Variants in TCEA1 observed in about 807,000 individuals in gnomAD.
TCEA1 encodes transcription elongation factor A1.
Under a neutral mutation model 43.8 loss-of-function variants are expected in TCEA1, and 21 were observed. The observed-to-expected ratio is 0.48, with a 90% confidence interval of 0.34 to 0.69. The LOEUF is 0.69. TCEA1 is among the 30% of genes least tolerant of loss of function. The pLI is 0.01. For synonymous variants in TCEA1, 104 were observed against 117.5 expected (o/e 0.88, Z 0.75); for missense variants, 250 against 365.1 (o/e 0.68, Z 2.57).
chr8:53,984,919 C>T (rs780064790), intron 6 of TCEA1, among the ~76,000 whole-genome samples: 3 of 151,768 alleles, frequency 2.0e-5, no homozygotes, highest in Non-Finnish European at 2.9e-5. Flanking sequence ...AAGCAATTCA[C>T]GACAACTGTT....
At chr8:54,017,420 G>A (rs1156870350) in intron 1 of TCEA1, among the ~76,000 whole-genome samples, 1 of 152,088 alleles carries the variant, frequency 6.6e-6, no homozygotes, top group Admixed American at 6.5e-5. Flanking sequence ...AGACCTTTAC[G>A]ACGACACATT....
chr8:54,008,835 ATT>A (rs1166084609), intron 2 of TCEA1, among the ~76,000 whole-genome samples: 1 of 150,256 alleles, frequency 6.7e-6, no homozygotes, highest in Admixed American at 6.6e-5. Flanking sequence ...CTATTATTTT[ATT>A]TTTATTTATT....
At chr8:53,986,432 G>T (rs1208193644) in intron 6 of TCEA1, among the ~76,000 whole-genome samples, 1 of 152,188 alleles carries the variant, frequency 6.6e-6, no homozygotes, top group Non-Finnish European at 1.5e-5. Flanking sequence ...AGCCTGTCCT[G>T]CCAAGTACAT....
chr8:53,993,604 G>A (rs768736507), intron 4 of TCEA1, 64 bp downstream of exon 4: 18 of 1,335,824 alleles, frequency 1.3e-5, no homozygotes, highest in Non-Finnish European at 1.9e-5. Flanking sequence ...ATTAGACAGG[G>A]GAATTGATGC....
chr8:54,003,938 TAAAA>T (rs879533018), intron 2 of TCEA1, among the ~76,000 whole-genome samples: 3 of 143,926 alleles, frequency 2.1e-5, no homozygotes, highest in Non-Finnish European at 4.6e-5. Context: ...ACAACTCGAT[TAAAA>T]AAAAAAAGAC....
intron 8 of TCEA1, chr8:53,973,162 C>CAAAG (rs113618110): frequency 0.074 from 40,468 of 543,226 alleles, 7,707 homozygotes; most frequent in African/African-American, 0.53. Context: ...GATGGGAAAA[C>CAAAG]AAAAGTCAGA....
intron 1 of TCEA1, among the ~76,000 whole-genome samples, chr8:54,016,846 C>T (rs570458416): frequency 2.0e-5 from 3 of 150,734 alleles, no homozygotes; most frequent in South Asian, 2.1e-4. Context: ...TGGTGGTGCG[C>T]GCCTATAGTC....
At chr8:54,017,330 T>C (rs1804863769) in intron 1 of TCEA1, among the ~76,000 whole-genome samples, 1 of 152,226 alleles carries the variant, frequency 6.6e-6, no homozygotes, top group Non-Finnish European at 1.5e-5. Context: ...GAGAATTTTC[T>C]TTCACCTCTG....
chr8:54,010,093 G>A, intron 2 of TCEA1: 1 of 227,360 alleles, frequency 4.4e-6, no homozygotes, highest in Non-Finnish European at 8.5e-6. Flanking sequence ...CCTGAAGCTA[G>A]CTTCATGCTG....
intron 1 of TCEA1, 49 bp from the exon 2 acceptor site, chr8:54,010,541 G>A: frequency 7.0e-7 from 1 of 1,436,666 alleles, no homozygotes; most frequent in African/African-American, 1.4e-5. Flanking sequence ...GGTAAAACAG[G>A]GACTAGCCAG....
chr8:54,008,854 T>C (rs1457050463), intron 2 of TCEA1, among the ~76,000 whole-genome samples: 3 of 137,422 alleles, frequency 2.2e-5, no homozygotes, highest in Admixed American at 2.2e-4. Context: ...TATTTATTTA[T>C]TTTTTTTTTT....
chr8:53,980,701 A>G, intron 7 of TCEA1, among the ~76,000 whole-genome samples: 1 of 152,140 alleles, frequency 6.6e-6, no homozygotes, highest in Admixed American at 6.5e-5. Flanking sequence ...TCCCTGAGAC[A>G]CAACAATATT....
chr8:54,009,302 T>C (rs1016309770), intron 2 of TCEA1, among the ~76,000 whole-genome samples: 1 of 152,204 alleles, frequency 6.6e-6, no homozygotes, highest in African/African-American at 2.4e-5. Flanking sequence ...AAGTACCATA[T>C]GATCCAGCAA....
At chr8:54,012,469 G>C (rs1241006724) in intron 1 of TCEA1, among the ~76,000 whole-genome samples, 1 of 152,132 alleles carries the variant, frequency 6.6e-6, no homozygotes, top group African/African-American at 2.4e-5. Flanking sequence ...CTGAGGCAGA[G>C]AGCTGCTTGA....
chr8:53,993,842 G>T, intron 3 of TCEA1, 87 bp from the exon 4 acceptor site: 1 of 1,031,994 alleles, frequency 9.7e-7, no homozygotes, highest in South Asian at 1.4e-5. Flanking sequence ...TGCACAACAT[G>T]AACTAAAATC....
chr8:53,999,032 C>A (rs187520572), intron 3 of TCEA1, among the ~76,000 whole-genome samples: 2 of 151,802 alleles, frequency 1.3e-5, no homozygotes, highest in South Asian at 2.1e-4. Flanking sequence ...ATCGAGACCA[C>A]CCTGGCTAAC....
rs751060849 is a variant in TCEA1, at chr8:53,988,164, G to A, written c.416C>T (p.Ser139Phe). 6.2e-7 allele frequency: 1 copy of A among 1,612,788 alleles called. No homozygotes were observed. The highest frequency in any genetic ancestry group is 1.1e-5 in the South Asian group (1 of 90,886). The change falls in exon 5 of 10, where the codon TCT becomes TTT. Residue 139 changes from serine (S) to phenylalanine (F), a missense_variant. Physicochemically the swap from Ser to Phe is radical, Grantham distance 155. This residue lies in a region of TCEA1 where 147 missense variants were observed against 160.3 expected (regional missense o/e 0.92). Coordinates refer to ENST00000521604, the MANE Select transcript of TCEA1 (RefSeq NM_006756.4). ...SFPRAPSTSD[S>F]VRLKCREMLA... ...CATCTCCCTACACTTCAACCGCACA[G>A]AATCAGAAGTGCTTGGTGCCCGAGG...
intron 4 of TCEA1, among the ~76,000 whole-genome samples, chr8:53,991,805 T>C (rs1445044052): frequency 1.3e-5 from 2 of 151,532 alleles, no homozygotes; most frequent in African/African-American, 4.8e-5. Flanking sequence ...AAAAATTACA[T>C]AAACTTTATT....
intron 7 of TCEA1, among the ~76,000 whole-genome samples, chr8:53,980,747 TA>T (rs1240619419): frequency 6.6e-6 from 1 of 152,142 alleles, no homozygotes; most frequent in Non-Finnish European, 1.5e-5. Context: ...CAATGGCCTC[TA>T]AGTATTCAAG....
Sources: allele counts gnomAD v4.1 joint callset (sites outside exome capture counted in the v4.1 genomes callset), GRCh38; gene constraint gnomAD v4.1.1; regional missense constraint gnomAD v4.1.1; transcripts MANE v1.5; gene names NCBI Gene and HGNC (gene_info 2026-07-23, HGNC 2026-07-21).